CYP2C19: variants seen among roughly 807,000 people sequenced by gnomAD.
CYP2C19 encodes the protein cytochrome P450 family 2 subfamily C member 19, also known as cytochrome P450 2C19.
A neutral mutation model predicts 40.9 loss-of-function variants in CYP2C19; 59 were observed. The ratio of observed to expected loss-of-function variants is 1.44; its 90% CI spans 1.17 to 1.79. The LOEUF is 1.79. Among genes scored for constraint, CYP2C19 ranks in the 40% most tolerant of loss-of-function variants. The pLI, the probability that CYP2C19 is intolerant of heterozygous loss-of-function variation, is 0.00. For missense variants in CYP2C19, 754 were observed against 596.9 expected (o/e 1.26, Z -2.74); for synonymous variants, 253 against 208.7 (o/e 1.21, Z -1.83).
rs1162623762 is a variant in CYP2C19, at chr10:94,820,008, C to T, written c.820-488C>T. Among the ~76,000 whole-genome samples, 227 of 146,688 alleles carry T rather than the reference C, an allele frequency of 1.5e-3. 1 individual carries two copies. Among genetic ancestry groups the T allele is most frequent in the Non-Finnish European group, 2.7e-3 (179 of 66,498 alleles). On this transcript the variant is annotated intron_variant, in intron 5 of 8. Coordinates refer to ENST00000371321, the MANE Select transcript of CYP2C19 (RefSeq NM_000769.4). ...AATCCTCAATAAAATACTGGCAAAC[C>T]GAATCCAGCAGCACATCAAAAAGCT...
At chr10:94,812,088 A>T (rs929524334) in intron 5 of CYP2C19, among the ~76,000 whole-genome samples, 3 of 152,188 alleles carry the variant, frequency 2.0e-5, no homozygotes, top group Non-Finnish European at 4.4e-5. Flanking sequence ...AAAATCCCTC[A>T]GCATTTGCTT....
At position 94,852,925 on chromosome 10, in the gene CYP2C19, A is replaced by T. The variant is rs776650550; in HGVS notation, c.*11A>T. On this transcript the variant is annotated 3_prime_UTR_variant, in exon 9 of 9. Coordinates refer to ENST00000371321, the MANE Select transcript of CYP2C19 (RefSeq NM_000769.4). The stretch of plus-strand genomic sequence containing the variant: ...TTCATTCCTGTCTGAAGAAGCACAG[A>T]TGGTCTGGCTGCTCCTGTGCTGTCC... 1.2e-6 allele frequency: 2 copies of T among 1,613,576 alleles called. No homozygotes were observed. Among genetic ancestry groups the T allele is most frequent in the African/African-American group, 2.7e-5 (2 of 74,898 alleles).
chr10:94,764,219 G>T (rs766345999), intron 1 of CYP2C19, among the ~76,000 whole-genome samples: 1 of 151,944 alleles, frequency 6.6e-6, no homozygotes, highest in Non-Finnish European at 1.5e-5. Flanking sequence ...GCTCAGGTGG[G>T]CAGCTTTTAT....
At chr10:94,832,289 G>A (rs77923111) in intron 6 of CYP2C19, among the ~76,000 whole-genome samples, 1,851 of 152,272 alleles carry the variant, frequency 0.012, 54 homozygotes, top group African/African-American at 0.043. Context: ...ACATGGCTGG[G>A]GATGCCTCAA....
At chr10:94,848,106 CT>C (rs1284932869) in intron 7 of CYP2C19, among the ~76,000 whole-genome samples, 1 of 152,102 alleles carries the variant, frequency 6.6e-6, no homozygotes, top group African/African-American at 2.4e-5. Flanking sequence ...TCAATTTTGG[CT>C]TTTGTTGCCA....
intron 5 of CYP2C19, among the ~76,000 whole-genome samples, chr10:94,818,031 A>T (rs1849038802): frequency 6.6e-6 from 1 of 151,454 alleles, no homozygotes; most frequent in Non-Finnish European, 1.5e-5. Flanking sequence ...AAAAAAAAAA[A>T]AAAAATCTTT....
chr10:94,777,592 T>C (rs1362198517), intron 3 of CYP2C19, among the ~76,000 whole-genome samples: 1 of 152,178 alleles, frequency 6.6e-6, no homozygotes, highest in Non-Finnish European at 1.5e-5. Flanking sequence ...ACAAACTGTC[T>C]AGCCATATGC....
At chr10:94,806,221 G>A (rs772897592) in intron 5 of CYP2C19, among the ~76,000 whole-genome samples, 4 of 151,976 alleles carry the variant, frequency 2.6e-5, no homozygotes, top group African/African-American at 4.8e-5. Context: ...TCATGTTTTC[G>A]CATGTGTCAG....
chr10:94,768,951 G>A (rs1848288820), intron 1 of CYP2C19, among the ~76,000 whole-genome samples: 1 of 152,102 alleles, frequency 6.6e-6, no homozygotes, highest in Non-Finnish European at 1.5e-5. Flanking sequence ...CTTGATTAGA[G>A]TACAGAGGGG....
At position 94,852,893 on chromosome 10, in the gene CYP2C19, G is replaced by A; in HGVS notation, c.1452G>A (p.Gln484=). ...NGFASVPPFY[Q]LCFIPV is the part of the protein sequence containing the mutation. ...TTGCTTCTGTCCCGCCCTTCTATCA[G>A]CTGTGCTTCATTCCTGTCTGAAGAA... is the stretch of plus-strand genomic sequence containing the variant. The change falls in exon 9 of 9, where the codon CAG becomes CAA. Residue 484 remains glutamine (Q), a synonymous_variant. Transcript: ENST00000371321. 6.2e-7 allele frequency: 1 copy of A among 1,613,952 alleles called. No individual in the cohort carries two copies. The highest frequency in any genetic ancestry group is 1.3e-5 in the African/African-American group (1 of 75,028).
intron 1 of CYP2C19, among the ~76,000 whole-genome samples, chr10:94,771,051 G>T (rs1848322771): frequency 6.6e-6 from 1 of 152,078 alleles, no homozygotes; most frequent in South Asian, 2.1e-4. Context: ...TGAGATCGAA[G>T]GTTTGCCCTA....
chr10:94,804,388 G>A (rs976428634), intron 5 of CYP2C19, among the ~76,000 whole-genome samples: 4 of 152,168 alleles, frequency 2.6e-5, no homozygotes, highest in African/African-American at 9.7e-5. Flanking sequence ...CAACTGCTCC[G>A]ATTTCTGGCC....
intron 5 of CYP2C19, among the ~76,000 whole-genome samples, chr10:94,792,183 AC>A (rs1250988082): frequency 1.3e-5 from 2 of 151,976 alleles, no homozygotes; most frequent in Admixed American, 6.6e-5. Context: ...TAGGATTGCA[AC>A]CCCTGCATTT....
chr10:94,798,224 A>G (rs1255068181), intron 5 of CYP2C19, among the ~76,000 whole-genome samples: 1 of 151,960 alleles, frequency 6.6e-6, no homozygotes, highest in South Asian at 2.1e-4. Flanking sequence ...GAACATCTTT[A>G]TTTCTTCCTT....
At chr10:94,800,565 G>A (rs1848749468) in intron 5 of CYP2C19, among the ~76,000 whole-genome samples, 1 of 152,216 alleles carries the variant, frequency 6.6e-6, no homozygotes, top group African/African-American at 2.4e-5. Flanking sequence ...AGAGCTGTCA[G>A]ATAGGGATGT....
rs771713959 is a variant in CYP2C19, at chr10:94,820,589, A to G, written c.913A>G (p.Thr305Ala). 1 of 1,614,216 alleles carries G rather than the reference A, an allele frequency of 6.2e-7. No homozygotes were observed. The highest frequency in any genetic ancestry group is 2.2e-5 in the East Asian group (1 of 44,878). The change falls in exon 6 of 9, where the codon ACC becomes GCC. Residue 305 changes from threonine (T) to alanine (A), a missense_variant. By Grantham distance (58) the Thr-to-Ala change is moderately conservative. Coordinates refer to ENST00000371321, the MANE Select transcript of CYP2C19 (RefSeq NM_000769.4). ...LGAGTETTST[T>A]LRYALLLLLK... ...AGCTGGGACAGAGACAACAAGCACAACCCTGAGATATGCTCTCCTTCTCCT... is the reference window on the plus strand; with the variant it reads ...AGCTGGGACAGAGACAACAAGCACAGCCCTGAGATATGCTCTCCTTCTCCT...
chr10:94,801,573 T>C (rs1848766092), intron 5 of CYP2C19, among the ~76,000 whole-genome samples: 1 of 152,204 alleles, frequency 6.6e-6, no homozygotes, highest in Non-Finnish European at 1.5e-5. Flanking sequence ...ATTCTGTTGA[T>C]TTGGGATGGA....
intron 1 of CYP2C19, among the ~76,000 whole-genome samples, chr10:94,763,658 A>G (rs1171419697): frequency 6.6e-6 from 1 of 151,978 alleles, no homozygotes; most frequent in Non-Finnish European, 1.5e-5. Flanking sequence ...TGTAGTTATG[A>G]AGACTACTCC....
At chr10:94,806,171 T>C (rs535202667) in intron 5 of CYP2C19, among the ~76,000 whole-genome samples, 1 of 152,176 alleles carries the variant, frequency 6.6e-6, no homozygotes, top group South Asian at 2.1e-4. Flanking sequence ...TTGTGACTGG[T>C]TTATTTCACT....
Sources: allele counts gnomAD v4.1 joint callset (sites outside exome capture counted in the v4.1 genomes callset), GRCh38; gene constraint gnomAD v4.1.1; transcripts MANE v1.5; gene names NCBI Gene and HGNC (gene_info 2026-07-23, HGNC 2026-07-21).